Variants in ENGASE observed in about 807,000 individuals in gnomAD.
ENGASE encodes the protein cytosolic endo-beta-N-acetylglucosaminidase.
Under a neutral mutation model 78.5 loss-of-function variants are expected in ENGASE, and 69 were observed. That is an observed-to-expected ratio of 0.88 (90% CI 0.72 to 1.07). The LOEUF (loss-of-function observed/expected upper bound fraction) is 1.07. Among genes scored for constraint, ENGASE ranks in the 50% least tolerant of loss-of-function variants. ENGASE has a pLI of 0.00. For missense variants in ENGASE, 943 were observed against 988.4 expected (o/e 0.95, Z 0.62); for synonymous variants, 408 against 408.9 (o/e 1.00, Z 0.03).
At position 79,086,571 on chromosome 17, in the gene ENGASE, C is replaced by T. The variant is rs1485113926; in HGVS notation, c.*222C>T. 4 of 596,678 alleles carry T rather than the reference C, an allele frequency of 6.7e-6. No homozygotes were observed. The highest frequency in any genetic ancestry group is 1.2e-5 in the Non-Finnish European group (4 of 341,170). The allele number at this position is 596,678 out of a possible 1,614,324, so 37.0% of individuals were successfully genotyped here. On this transcript the variant is annotated 3_prime_UTR_variant, in exon 14 of 14. Transcript: ENST00000579016. The stretch of plus-strand genomic sequence containing the variant: ...GATCGCAGCGTTGGTCACTGCGAGG[C>T]GAGTGGCGGGCTTTCTGTTTCTGCC...
chr17:79,076,127 C>A (rs1410211270), intron 1 of ENGASE, among the ~76,000 whole-genome samples: 2 of 152,158 alleles, frequency 1.3e-5, no homozygotes, highest in African/African-American at 4.8e-5. Flanking sequence ...TGCAACAGGC[C>A]TCTGAATGGC....
chr17:79,084,715 T>C (rs764113866), intron 11 of ENGASE, 29 bp downstream of exon 11: 2 of 1,608,624 alleles, frequency 1.2e-6, no homozygotes, highest in South Asian at 1.1e-5. Flanking sequence ...GGCCTGCCTC[T>C]GCCCAGGGCG....
In ENGASE at chr17:79,086,989, C is replaced by A. The variant is rs543231345; in HGVS notation, c.*640C>A. ...GCCCCAGCTGCTCCGTGTTTCCTGG[C>A]GTTGGCAATTTACTGTGCTGCTGAG... On this transcript the variant is annotated 3_prime_UTR_variant, in exon 14 of 14. Transcript: ENST00000579016. 1.6e-5 allele frequency: 8 copies of A among 506,192 alleles called. No individual in the cohort carries two copies. Among genetic ancestry groups the A allele is most frequent in the Middle Eastern group, 3.2e-4 (1 of 3,130 alleles). The allele number at this position is 506,192 out of a possible 1,614,324, so 31.4% of individuals were successfully genotyped here. A position where few individuals can be genotyped will look rare whatever the true frequency, so the allele number is the denominator to read the frequency against.
In ENGASE at chr17:79,084,566, C is replaced by T. The variant is rs375619908; in HGVS notation, c.1471C>T (p.Pro491Ser). 6.3e-7 allele frequency: 1 copy of T among 1,594,564 alleles called. No homozygotes were observed. Among genetic ancestry groups the T allele is most frequent in the Non-Finnish European group, 8.5e-7 (1 of 1,172,674 alleles). The change falls in exon 11 of 14, where the codon CCC becomes TCC. Residue 491 changes from proline to serine, a missense_variant. Coordinates refer to ENST00000579016, the MANE Select transcript of ENGASE (RefSeq NM_001042573.3). ...RLFSLQAPVP[P>S]KIYLSMVYKL... ...ATTTTCCCTGCAGGCCCCAGTGCCA[C>T]CCAAGATTTACCTGTCCATGGTGTA...
At chr17:79,079,454 T>A in intron 3 of ENGASE, 35 bp from the exon 4 acceptor site, 1 of 1,598,304 alleles carries the variant, frequency 6.3e-7, no homozygotes. Context: ...AGGCATGAGC[T>A]GCCGTGGCCA....
chr17:79,083,068 C>T lies in ENGASE; in HGVS notation c.1087C>T (p.Pro363Ser), dbSNP rs774957644. ...KHGFSVALFA[P>S]GWVYECLEKK... ...TGGCTTCTCCGTGGCTTTGTTTGCC[C>T]CCGGCTGGGTGTATGAGTGTCTGGA... Residue 363 changes from proline (P) to serine (S), a missense_variant, in exon 8 of 14, where the codon CCC becomes TCC. Transcript: ENST00000579016. The surrounding 1 kb of genome is among the most constrained non-coding windows in gnomAD (Gnocchi z 4.9). 87 of 1,613,966 alleles carry T rather than the reference C, an allele frequency of 5.4e-5. 1 individual carries two copies. Among genetic ancestry groups the T allele is most frequent in the Middle Eastern group, 3.3e-4 (2 of 6,084 alleles).
chr17:79,082,165 C>T (rs769381499), intron 7 of ENGASE, 102 bp downstream of exon 7: 1 of 1,600,246 alleles, frequency 6.2e-7, no homozygotes, highest in South Asian at 1.1e-5. Context: ...AAAGGAATGA[C>T]AGCAGCTGTT....
chr17:79,079,396 G>A, intron 3 of ENGASE, 93 bp from the exon 4 acceptor site: 1 of 1,437,518 alleles, frequency 7.0e-7, no homozygotes, highest in Non-Finnish European at 9.4e-7. Flanking sequence ...TTAAACTCCT[G>A]GGCTCAAGTG....
intron 12 of ENGASE, 128 bp downstream of exon 12, chr17:79,085,470 A>G: frequency 7.4e-7 from 1 of 1,344,208 alleles, no homozygotes; most frequent in Non-Finnish European, 1.0e-6. Context: ...ACAGAAGCCC[A>G]GGACAGCTGC....
In ENGASE at chr17:79,081,394, C is replaced by T. The variant is rs541678724; in HGVS notation, c.872+321C>T. Among the ~76,000 whole-genome samples the T allele has an allele frequency of 2.1e-3, 313 of 152,210 alleles. 2 individuals carry two copies. The highest frequency in any genetic ancestry group is 3.6e-3 in the Non-Finnish European group (246 of 67,994). On this transcript the variant is annotated intron_variant, in intron 6 of 13. Transcript: ENST00000579016. ...GTGGGCACCTGTAGCCCCAGCTACT[C>T]GGGAGGCTGAGGCAGGAGAATGGCG...
intron 6 of ENGASE, among the ~76,000 whole-genome samples, chr17:79,081,453 G>C (rs977083203): frequency 3.9e-5 from 6 of 152,264 alleles, no homozygotes; most frequent in Non-Finnish European, 8.8e-5. Context: ...AGTGAGCCAA[G>C]ATCGTGCCAC....
Position 79,081,057 on chromosome 17 carries a change from C to G in ENGASE, c.856C>G (p.Leu286Val), listed in dbSNP as rs1315614090. The change falls in exon 6 of 14, where the codon CTC (leucine) becomes GTC (valine). Residue 286 changes from leucine to valine, a missense_variant. By Grantham distance (32) the Leu-to-Val change is conservative. Transcript: ENST00000579016. Reference protein sequence around the residue: ...QSGQLKWQDELNQHNRVFFDS... With the variant: ...QSGQLKWQDEVNQHNRVFFDS... ...TGGGCAGCTCAAATGGCAAGACGAA[C>G]TCAACCAGCACAACAGGTGAGCCTG... 1.3e-6 allele frequency: 2 copies of G among 1,594,450 alleles called. No individual in the cohort carries two copies. Among genetic ancestry groups the G allele is most frequent in the Non-Finnish European group, 1.7e-6 (2 of 1,168,922 alleles).
Position 79,083,543 on chromosome 17 carries a change from A to G in ENGASE, c.1204A>G (p.Thr402Ala). 2 of 1,614,032 alleles carry G rather than the reference A, an allele frequency of 1.2e-6. No homozygotes were observed. The highest frequency in any genetic ancestry group is 1.7e-6 in the Non-Finnish European group (2 of 1,179,998). The change falls in exon 9 of 14, where the codon ACG becomes GCG. Residue 402 changes from threonine (T) to alanine (A), a missense_variant. By Grantham distance (58) the Thr-to-Ala change is moderately conservative (BLOSUM62 0). Coordinates refer to ENST00000579016, the MANE Select transcript of ENGASE (RefSeq NM_001042573.3). This position sits in a 1 kb window ranked among gnomAD's most constrained non-coding sequence, Gnocchi z 4.9. Reference protein sequence around the residue: ...THSICSLPFVTSFCLGMGARR... With the variant: ...THSICSLPFVASFCLGMGARR... ...TAGCATCTGCTCCTTGCCTTTCGTC[A>G]CGTCCTTCTGCCTGGGCATGGGTGC...
Position 79,087,261 on chromosome 17 carries a change from CG to C in ENGASE, c.*917del. ...CTGAGTGCAGGAGCTGCAGGACCCGCGGGGGCTTTTCCAGCTACTCTGTTCC... is the reference window on the plus strand; with the variant it reads ...CTGAGTGCAGGAGCTGCAGGACCCGCGGGGCTTTTCCAGCTACTCTGTTCC... On this transcript the variant is annotated 3_prime_UTR_variant, in exon 14 of 14. Transcript: ENST00000579016. 5.8e-6 allele frequency: 2 copies of C among 346,774 alleles called. No homozygotes were observed. The highest frequency in any genetic ancestry group is 1.2e-5 in the Non-Finnish European group (2 of 173,428). 21.5% of individuals were successfully genotyped at this position (346,774 alleles called of 1,614,324 possible). A position where few individuals can be genotyped will look rare whatever the true frequency, so the allele number is the denominator to read the frequency against.
intron 5 of ENGASE, 141 bp from the exon 6 acceptor site, chr17:79,080,784 G>C: frequency 8.9e-7 from 1 of 1,126,722 alleles, no homozygotes; most frequent in Non-Finnish European, 1.2e-6. Context: ...GCGGGGCTGT[G>C]GCGGGGAGGG....
At position 79,083,756 on chromosome 17, in the gene ENGASE, T is replaced by C; in HGVS notation, c.1252-5T>C. The C allele has an allele frequency of 6.2e-7, 1 of 1,605,416 alleles. No homozygotes were observed. Among genetic ancestry groups the C allele is most frequent in the Admixed American group, 1.7e-5 (1 of 58,374 alleles). ...TGAGTGCCCCTGTTCTGCCCTTTTC[T>C]TCAGGAAGAGGCGGTAGGGCCCTGG... On this transcript the variant is annotated splice_polypyrimidine_tract_variant and splice_region_variant and intron_variant, in intron 9 of 13. Coordinates refer to ENST00000579016, the MANE Select transcript of ENGASE (RefSeq NM_001042573.3). The surrounding 1 kb of genome is among the most constrained non-coding windows in gnomAD (Gnocchi z 4.9).
intron 1 of ENGASE, among the ~76,000 whole-genome samples, chr17:79,076,821 A>C (rs1393878246): frequency 1.3e-5 from 2 of 152,100 alleles, no homozygotes; most frequent in African/African-American, 4.8e-5. Context: ...TGAAGTATTT[A>C]TGTCTGGTCT....
At position 79,084,685 on chromosome 17, in the gene ENGASE, C is replaced by T. The variant is rs375500440; in HGVS notation, c.1590C>T (p.Asn530=). The T allele has an allele frequency of 4.8e-5, 77 of 1,612,858 alleles. No homozygotes were observed. Among genetic ancestry groups the T allele is most frequent in the Non-Finnish European group, 5.3e-5 (63 of 1,179,658 alleles). The stretch of plus-strand genomic sequence containing the variant: ...ACATCGGTGGCATCTCAGTGTTGAA[C>T]GGTGAGGTAATGGGGCCCAGGCCTG... ...SCHIGGISVL[N]AETSSRHSLR... is the part of the protein sequence containing the mutation. Residue 530 remains asparagine (N), a splice_region_variant and synonymous_variant, in exon 11 of 14, where the codon AAC becomes AAT. Coordinates refer to ENST00000579016, the MANE Select transcript of ENGASE (RefSeq NM_001042573.3).
rs778751254 is a variant in ENGASE at position 79,080,967 on chromosome 17, A to G, written c.766A>G (p.Thr256Ala). Residue 256 changes from threonine to alanine, a missense_variant, in exon 6 of 14, where the codon ACC becomes GCC. Transcript: ENST00000579016. ...GNMPPFLRYL[T>A]TQLHRQVPGG... ...CATGCCTCCTTTCCTGCGGTACCTC[A>G]CCACACAGCTGCACCGGCAGGTCCC... The G allele has an allele frequency of 1.5e-5, 25 of 1,612,988 alleles. No individual in the cohort carries two copies. Among genetic ancestry groups the G allele is most frequent in the Non-Finnish European group, 1.9e-5 (23 of 1,179,814 alleles).
Sources: allele counts gnomAD v4.1 joint callset (sites outside exome capture counted in the v4.1 genomes callset), GRCh38; gene constraint gnomAD v4.1.1; non-coding constraint Gnocchi (gnomAD v3.1); transcripts MANE v1.5; gene names NCBI Gene and HGNC (gene_info 2026-07-23, HGNC 2026-07-21).